RUNX2: variants seen among roughly 807,000 people sequenced by gnomAD.
RUNX2 encodes runt-related transcription factor 2.
A neutral mutation model predicts 51.7 loss-of-function variants in RUNX2; 10 were observed. That is an observed-to-expected ratio of 0.19 (90% CI 0.12 to 0.33). The LOEUF (loss-of-function observed/expected upper bound fraction) is 0.33. Ranked by LOEUF, RUNX2 falls within the 10% of genes least tolerant of loss-of-function variation. The pLI is 1.00. For missense variants in RUNX2, 562 were observed against 691.3 expected (o/e 0.81, Z 2.10); for synonymous variants, 276 against 273.6 (o/e 1.01, Z -0.09).
chr6:45,431,360 T>C (rs1798537084), intron 3 of RUNX2, among the ~76,000 whole-genome samples: 1 of 152,196 alleles, frequency 6.6e-6, no homozygotes, highest in Non-Finnish European at 1.5e-5. Flanking sequence ...GACTACACGA[T>C]ATCTAGGCTC....
At position 45,491,616 on chromosome 6, in the gene RUNX2, C is replaced by CTGTT. The variant is rs1554395310; in HGVS notation, c.686-319_686-316dup. On this transcript the variant is annotated intron_variant, in intron 5 of 8. Coordinates refer to ENST00000647337, the MANE Select transcript of RUNX2 (RefSeq NM_001024630.4). The stretch of plus-strand genomic sequence containing the variant: ...CAAACACCCCCAATACACATCTCTC[C>CTGTT]TGTTTGTTTTTTTTTTTTTTTTTTT... Among the ~76,000 whole-genome samples the CTGTT allele has an allele frequency of 2.9e-4, 41 of 139,680 alleles. 1 individual carries two copies. The highest frequency in any genetic ancestry group is 9.8e-4 in the African/African-American group (36 of 36,636). 91.6% of individuals were successfully genotyped at this position (139,680 alleles called of 152,430 possible).
At chr6:45,415,390 C>A (rs978876623) in intron 2 of RUNX2, among the ~76,000 whole-genome samples, 2 of 152,188 alleles carry the variant, frequency 1.3e-5, no homozygotes, top group African/African-American at 4.8e-5. Flanking sequence ...CCAGACCCTG[C>A]ACAGCCTTGG....
At chr6:45,392,092 A>G (rs564946057) in intron 2 of RUNX2, among the ~76,000 whole-genome samples, 4 of 152,336 alleles carry the variant, frequency 2.6e-5, no homozygotes, top group Admixed American at 2.0e-4. Context: ...TGTACAGTAT[A>G]ATAGAACTAG....
At chr6:45,367,967 G>A (rs1795433438) in intron 2 of RUNX2, among the ~76,000 whole-genome samples, 1 of 151,968 alleles carries the variant, frequency 6.6e-6, no homozygotes, top group East Asian at 1.9e-4. Flanking sequence ...AACTTCTTTT[G>A]ACATTAACTT....
intron 7 of RUNX2, among the ~76,000 whole-genome samples, chr6:45,542,457 G>A (rs1012408445): frequency 6.6e-6 from 1 of 152,160 alleles, no homozygotes; most frequent in African/African-American, 2.4e-5. Context: ...GCTTTGGCTA[G>A]GGGTGTAGAC....
intron 5 of RUNX2, among the ~76,000 whole-genome samples, chr6:45,455,469 C>T (rs1403053009): frequency 2.6e-5 from 4 of 152,048 alleles, no homozygotes; most frequent in South Asian, 2.1e-4. Flanking sequence ...TTTATTTCTA[C>T]GTTAATTGAG....
At chr6:45,485,557 A>T (rs1800247261) in intron 5 of RUNX2, among the ~76,000 whole-genome samples, 1 of 151,708 alleles carries the variant, frequency 6.6e-6, no homozygotes, top group Admixed American at 6.6e-5. Context: ...TAGAAGAATT[A>T]ATGTATAGTA....
chr6:45,330,604 A>G (rs557169007), intron 2 of RUNX2, among the ~76,000 whole-genome samples: 27 of 152,194 alleles, frequency 1.8e-4, no homozygotes, highest in Admixed American at 1.6e-3. Context: ...CAAAGAATAT[A>G]TTAAACTGCT....
At chr6:45,360,623 A>C (rs949456467) in intron 2 of RUNX2, among the ~76,000 whole-genome samples, 1 of 152,200 alleles carries the variant, frequency 6.6e-6, no homozygotes, top group Non-Finnish European at 1.5e-5. Context: ...AAATGATACC[A>C]TTTCACATAT....
intron 5 of RUNX2, among the ~76,000 whole-genome samples, chr6:45,471,085 A>G (rs537004771): frequency 1.3e-5 from 2 of 152,316 alleles, no homozygotes; most frequent in Non-Finnish European, 2.9e-5. Context: ...CCCAGGAGCC[A>G]TCTTGGGACG....
rs182257223 is a variant in RUNX2 at position 45,509,820 on chromosome 6, G to A, written c.860-2426G>A. On this transcript the variant is annotated intron_variant, in intron 6 of 8. Transcript: ENST00000647337. ...TTCTTTGTATTTGTTCTTGTTTTTA[G>A]GCAGGGGGCCCTAGACGGATGACTT... 8.3e-4 allele frequency among the ~76,000 whole-genome samples: 127 copies of A among 152,202 alleles called. 1 individual carries two copies. The highest frequency in any genetic ancestry group is 2.0e-3 in the African/African-American group (85 of 41,520).
At chr6:45,343,788 T>G (rs1790306835) in intron 2 of RUNX2, among the ~76,000 whole-genome samples, 1 of 152,278 alleles carries the variant, frequency 6.6e-6, no homozygotes, top group Admixed American at 6.5e-5. Flanking sequence ...CACAGAAGTT[T>G]GTGAGGCATG....
rs905278815 is a variant in RUNX2, at chr6:45,360,325, G to C, written c.58+31541G>C. Among the ~76,000 whole-genome samples the C allele has an allele frequency of 2.0e-5, 3 of 152,062 alleles. No homozygotes were observed. The East Asian group carries it at 5.8e-4, about 29-fold the overall frequency. On this transcript the variant is annotated intron_variant, in intron 2 of 8. Coordinates refer to ENST00000647337, the MANE Select transcript of RUNX2 (RefSeq NM_001024630.4). Reference sequence around the variant, plus strand: ...TATGGAAGTACTCAAGAGAGTGCCTGGTACACAGCATGTTCTATACAAGCA... The same window carrying C: ...TATGGAAGTACTCAAGAGAGTGCCTCGTACACAGCATGTTCTATACAAGCA...
At chr6:45,340,972 CCT>C (rs1274564291) in intron 2 of RUNX2, among the ~76,000 whole-genome samples, 1 of 152,110 alleles carries the variant, frequency 6.6e-6, no homozygotes, top group Non-Finnish European at 1.5e-5. Flanking sequence ...ATCCAGACAA[CCT>C]TTATTTCTAA....
intron 2 of RUNX2, among the ~76,000 whole-genome samples, chr6:45,331,756 T>G (rs1056636191): frequency 2.0e-5 from 3 of 151,982 alleles, no homozygotes; most frequent in Non-Finnish European, 4.4e-5. Context: ...CGTCTCTATA[T>G]CACAAGGCAT....
intron 5 of RUNX2, among the ~76,000 whole-genome samples, chr6:45,479,600 A>G (rs902138215): frequency 7.2e-5 from 11 of 152,204 alleles, no homozygotes; most frequent in Non-Finnish European, 1.0e-4. Context: ...ATATGTACGT[A>G]TATGTGGAAA....
intron 5 of RUNX2, among the ~76,000 whole-genome samples, chr6:45,483,880 G>A (rs770846486): frequency 2.0e-5 from 3 of 152,192 alleles, no homozygotes; most frequent in Non-Finnish European, 4.4e-5. Flanking sequence ...CACAAGCTGG[G>A]AGCAGTACAG....
chr6:45,508,220 C>CTTTT (rs61501897), intron 6 of RUNX2, among the ~76,000 whole-genome samples: 35 of 65,686 alleles, frequency 5.3e-4, no homozygotes, highest in South Asian at 1.7e-3. Flanking sequence ...CTTATATTTC[C>CTTTT]TTTTTTTTTT....
At chr6:45,483,752 G>C (rs976591940) in intron 5 of RUNX2, among the ~76,000 whole-genome samples, 2 of 152,204 alleles carry the variant, frequency 1.3e-5, no homozygotes, top group African/African-American at 4.8e-5. Flanking sequence ...ACCAAGTTGA[G>C]CTTGGAAGGG....
Sources: allele counts gnomAD v4.1 joint callset (sites outside exome capture counted in the v4.1 genomes callset), GRCh38; gene constraint gnomAD v4.1.1; transcripts MANE v1.5; gene names NCBI Gene and HGNC (gene_info 2026-07-23, HGNC 2026-07-21).